Variants in DSCAML1 observed in about 807,000 individuals in gnomAD.
The protein encoded by DSCAML1 is DS cell adhesion molecule like 1, also known as cell adhesion molecule DSCAML1.
DSCAML1 carries 38 observed loss-of-function variants against 200.5 expected under a neutral mutation model. The ratio of observed to expected loss-of-function variants is 0.19; its 90% CI spans 0.15 to 0.25. The LOEUF is 0.25. Among genes scored for constraint, DSCAML1 ranks in the 10% least tolerant of loss-of-function variants. DSCAML1 has a pLI of 1.00. For synonymous variants in DSCAML1, 1,215 were observed against 1,165.0 expected (o/e 1.04, Z -0.87); for missense variants, 2,223 against 2,858.8 (o/e 0.78, Z 5.07).
intron 21 of DSCAML1, among the ~76,000 whole-genome samples, chr11:117,442,212 TTAGTGTGTC>T (rs552392928): frequency 0.013 from 1,943 of 145,732 alleles, 39 homozygotes; most frequent in Non-Finnish European, 0.015. Flanking sequence ...TGTGCATGTA[TTAGTGTGTC>T]TAGTGTGTGT....
At chr11:117,527,285 C>G (rs2049993113) in intron 4 of DSCAML1, among the ~76,000 whole-genome samples, 1 of 152,074 alleles carries the variant, frequency 6.6e-6, no homozygotes, top group Non-Finnish European at 1.5e-5. Flanking sequence ...AGGGAGTCTC[C>G]CCATCTCCCC....
intron 3 of DSCAML1, among the ~76,000 whole-genome samples, chr11:117,586,499 G>A (rs767323059): frequency 9.8e-5 from 15 of 152,314 alleles, no homozygotes; most frequent in African/African-American, 1.4e-4. Context: ...CCAAGAAGCT[G>A]CCCAAGGTCA....
intron 1 of DSCAML1, among the ~76,000 whole-genome samples, chr11:117,814,074 C>T (rs916772222): frequency 3.3e-5 from 5 of 152,168 alleles, no homozygotes; most frequent in African/African-American, 1.2e-4. Flanking sequence ...GAGTGATTAA[C>T]CCTGTGAATT....
intron 3 of DSCAML1, among the ~76,000 whole-genome samples, chr11:117,629,297 G>A (rs1238281324): frequency 6.6e-6 from 1 of 152,150 alleles, no homozygotes; most frequent in Non-Finnish European, 1.5e-5. Flanking sequence ...TGGCAAGGTG[G>A]CATCCCTGGT....
At position 117,431,583 on chromosome 11, in the gene DSCAML1, G is replaced by T. The variant is rs1392245898; in HGVS notation, c.5325C>A (p.Val1775=). The T allele has an allele frequency of 6.2e-7, 1 of 1,610,558 alleles. No individual in the cohort carries two copies. The highest frequency in any genetic ancestry group is 1.1e-5 in the South Asian group (1 of 90,440). The change falls in exon 31 of 33, where the codon GTC becomes GTA. Residue 1775 remains valine, a synonymous_variant. Coordinates refer to ENST00000651296, the MANE Select transcript of DSCAML1 (RefSeq NM_020693.4). ...TGTAGCTGTCACTCTCAGTGACCGT[G>T]ACACCATGCTGGGAGCCCACGGTGC... is the stretch of plus-strand genomic sequence containing the variant. The part of the protein sequence containing the change: ...DWRTVGSQHG[V]TVTESDSYSA...
At chr11:117,458,094 C>T (rs1565699095) in intron 19 of DSCAML1, among the ~76,000 whole-genome samples, 1 of 152,180 alleles carries the variant, frequency 6.6e-6, no homozygotes, top group Non-Finnish European at 1.5e-5. Context: ...TGGGGTAGTG[C>T]AGCTCCAGGC....
At chr11:117,487,113 C>T (rs757756493) in intron 11 of DSCAML1, among the ~76,000 whole-genome samples, 44 of 151,390 alleles carry the variant, frequency 2.9e-4, no homozygotes, top group Non-Finnish European at 6.0e-4. Flanking sequence ...TTAGTAGAGA[C>T]GGGGTTTCAC....
chr11:117,432,246 C>T, intron 30 of DSCAML1, 106 bp downstream of exon 30: 1 of 1,296,808 alleles, frequency 7.7e-7, no homozygotes, highest in African/African-American at 1.5e-5. Flanking sequence ...CATTCTATTC[C>T]ATTAAGCTCC....
At chr11:117,475,297 C>T (rs2048768470) in intron 14 of DSCAML1, among the ~76,000 whole-genome samples, 1 of 152,184 alleles carries the variant, frequency 6.6e-6, no homozygotes, top group Admixed American at 6.5e-5. Flanking sequence ...GTAGTCTTCT[C>T]AAAACACAAA....
chr11:117,558,402 A>T (rs2050598333), intron 3 of DSCAML1, among the ~76,000 whole-genome samples: 2 of 152,258 alleles, frequency 1.3e-5, no homozygotes, highest in Non-Finnish European at 1.5e-5. Flanking sequence ...CAACCAGAGA[A>T]GCAAGAAGAT....
Position 117,618,985 on chromosome 11 carries a change from C to A in DSCAML1, c.512-86463G>T, listed in dbSNP as rs1367593191. On this transcript the variant is annotated intron_variant, in intron 3 of 32. Coordinates refer to ENST00000651296, the MANE Select transcript of DSCAML1 (RefSeq NM_020693.4). ...TCCTTTGTCTGCACAATCCCAGGAT[C>A]AAGCCTTCCCCAACGCACCCAGCCC... 3.9e-5 allele frequency among the ~76,000 whole-genome samples: 6 copies of A among 152,346 alleles called. No individual in the cohort carries two copies. In the East Asian group the frequency reaches 9.6e-4, roughly 24 times the overall value.
chr11:117,739,800 CA>C (rs145546369), intron 3 of DSCAML1, among the ~76,000 whole-genome samples: 2 of 152,168 alleles, frequency 1.3e-5, no homozygotes, highest in Non-Finnish European at 2.9e-5. Context: ...CTGCAATGGG[CA>C]AATCTGAGAT....
At chr11:117,638,203 C>T (rs920183309) in intron 3 of DSCAML1, among the ~76,000 whole-genome samples, 3 of 152,048 alleles carry the variant, frequency 2.0e-5, no homozygotes, top group African/African-American at 7.2e-5. Flanking sequence ...ACCAACCATC[C>T]CAGTTTCTCA....
intron 3 of DSCAML1, among the ~76,000 whole-genome samples, chr11:117,739,570 G>A (rs1336937579): frequency 6.6e-6 from 1 of 152,230 alleles, no homozygotes; most frequent in Non-Finnish European, 1.5e-5. Flanking sequence ...TAGACAGCGT[G>A]AGCCACGCAG....
At chr11:117,664,599 A>G (rs898855566) in intron 3 of DSCAML1, among the ~76,000 whole-genome samples, 2 of 152,228 alleles carry the variant, frequency 1.3e-5, no homozygotes, top group Non-Finnish European at 1.5e-5. Context: ...TCAATTTAAA[A>G]AAGGGTAGGG....
At chr11:117,653,839 G>A (rs974067649) in intron 3 of DSCAML1, among the ~76,000 whole-genome samples, 4 of 152,160 alleles carry the variant, frequency 2.6e-5, no homozygotes, top group Non-Finnish European at 4.4e-5. Context: ...GGTGCAGCTG[G>A]AATATTATTT....
At position 117,466,428 on chromosome 11, in the gene DSCAML1, C is replaced by T. The variant is rs546040940; in HGVS notation, c.3025-1246G>A. Among the ~76,000 whole-genome samples, 5 of 152,316 alleles carry T rather than the reference C, an allele frequency of 3.3e-5. No homozygotes were observed. The East Asian group carries it at 7.7e-4, about 23-fold the overall frequency. ...CAGAAGAAAATAGAAAGGCCAGGTG[C>T]GGTGGCTCATGCCTGTAATCTCAGC... On this transcript the variant is annotated intron_variant, in intron 16 of 32. Coordinates refer to ENST00000651296, the MANE Select transcript of DSCAML1 (RefSeq NM_020693.4).
chr11:117,634,166 G>A (rs2052229277), intron 3 of DSCAML1, among the ~76,000 whole-genome samples: 1 of 152,234 alleles, frequency 6.6e-6, no homozygotes, highest in Non-Finnish European at 1.5e-5. Flanking sequence ...AGGACAGGGA[G>A]AGGGATGATT....
chr11:117,709,704 G>T (rs1216929358), intron 3 of DSCAML1: 2 of 455,002 alleles, frequency 4.4e-6, no homozygotes, highest in Non-Finnish European at 8.8e-6. Context: ...ACTGGCTTTG[G>T]GCTAAGGCTT....
Sources: allele counts gnomAD v4.1 joint callset (sites outside exome capture counted in the v4.1 genomes callset), GRCh38; gene constraint gnomAD v4.1.1; transcripts MANE v1.5; gene names NCBI Gene and HGNC (gene_info 2026-07-23, HGNC 2026-07-21).